URGCP: variants seen among roughly 807,000 people sequenced by gnomAD.
URGCP encodes the protein up-regulator of cell proliferation.
URGCP carries 13 observed loss-of-function variants against 24.6 expected under a neutral mutation model. That is an observed-to-expected ratio of 0.53 (90% CI 0.34 to 0.84). URGCP has a LOEUF of 0.84. Ranked by LOEUF, URGCP falls within the 40% of genes least tolerant of loss-of-function variation. The probability of loss-of-function intolerance (pLI) is 0.01; values close to 1 mark genes in which losing one functional copy is unlikely to be tolerated. For synonymous variants in URGCP, 444 were observed against 487.2 expected (o/e 0.91, Z 1.17); for missense variants, 899 against 1,194.3 (o/e 0.75, Z 3.64).
intron 5 of URGCP, 44 bp from the exon 6 acceptor site, chr7:43,879,304 G>T: frequency 6.5e-7 from 1 of 1,548,628 alleles, no homozygotes; most frequent in Non-Finnish European, 8.7e-7. Context: ...CTGTGTTTCT[G>T]AGCTAGGGGC....
intron 1 of URGCP, among the ~76,000 whole-genome samples, chr7:43,897,484 AG>A (rs1288363251): frequency 6.6e-6 from 1 of 152,194 alleles, no homozygotes; most frequent in African/African-American, 2.4e-5. Context: ...GGCTTGAGCA[AG>A]AGAGTGATCA....
chr7:43,878,154 T>G lies in URGCP; in HGVS notation c.1309A>C (p.Asn437His). The change falls in exon 6 of 6, where the codon AAT becomes CAT. Residue 437 changes from asparagine (N) to histidine (H), a missense_variant. Coordinates refer to ENST00000453200, the MANE Select transcript of URGCP (RefSeq NM_001077663.3). This position sits in a 1 kb window ranked among gnomAD's most constrained non-coding sequence, Gnocchi z 5.6. ...CGCCTGCAGGGTGCCCGCAGCACATTCCCAACGATGGCCCGGATCCTCTTC... is the reference window on the plus strand; with the variant it reads ...CGCCTGCAGGGTGCCCGCAGCACATGCCCAACGATGGCCCGGATCCTCTTC... ...FVKRIRAIVG[N>H]VLRAPCRRVS... The G allele has an allele frequency of 6.2e-7, 1 of 1,614,208 alleles. No individual in the cohort carries two copies.
chr7:43,900,588 C>CT (rs1480490545), intron 1 of URGCP, among the ~76,000 whole-genome samples: 3 of 151,844 alleles, frequency 2.0e-5, no homozygotes, highest in South Asian at 2.1e-4. Flanking sequence ...GTCTCTGTCT[C>CT]TTTTTTTTAA....
chr7:43,919,659 C>T, intron 1 of URGCP: 1 of 1,372,674 alleles, frequency 7.3e-7, no homozygotes, highest in Non-Finnish European at 1.0e-6. Flanking sequence ...CATCACCATC[C>T]TCAACACCAT....
intron 1 of URGCP, among the ~76,000 whole-genome samples, chr7:43,898,790 T>TAAA (rs71011960): frequency 0.014 from 1,012 of 72,802 alleles, 10 homozygotes; most frequent in African/African-American, 0.032. Flanking sequence ...AATAAATAAA[T>TAAA]TTATTTTAAT....
At position 43,919,056 on chromosome 7, in the gene URGCP, A is replaced by G. The variant is rs1461909675; in HGVS notation, c.-116+7076T>C. The stretch of plus-strand genomic sequence containing the variant: ...GAAGATCCATGAGGACATTTTTAAC[A>G]TCACAGACCAGGAGGCAGATGGTAG... On this transcript the variant is annotated intron_variant, in intron 1 of 5. Transcript: ENST00000426198. 8.8e-6 allele frequency: 9 copies of G among 1,019,990 alleles called. No homozygotes were observed. In the South Asian group the frequency reaches 8.8e-5, roughly 10 times the overall value. The allele number at this position is 1,019,990 out of a possible 1,614,324, so 63.2% of individuals were successfully genotyped here.
intron 1 of URGCP, among the ~76,000 whole-genome samples, chr7:43,898,114 C>T (rs1323240780): frequency 6.6e-6 from 1 of 152,178 alleles, no homozygotes; most frequent in East Asian, 1.9e-4. Flanking sequence ...TCGGCAACTT[C>T]CCTAAAGATA....
At chr7:43,924,341 T>C (rs1020644103) in intron 1 of URGCP, among the ~76,000 whole-genome samples, 1 of 152,254 alleles carries the variant, frequency 6.6e-6, no homozygotes, top group Admixed American at 6.5e-5. Flanking sequence ...TCCTGAATTA[T>C]ACAAATGATG....
At chr7:43,920,043 G>A (rs955653542) in intron 1 of URGCP, 5 of 1,305,010 alleles carry the variant, frequency 3.8e-6, no homozygotes, top group Non-Finnish European at 4.4e-6. Context: ...ATCTCCTGGG[G>A]CACCCAGGAG....
At chr7:43,882,418 C>T (rs1379429117) in intron 3 of URGCP, among the ~76,000 whole-genome samples, 5 of 152,168 alleles carry the variant, frequency 3.3e-5, no homozygotes, top group African/African-American at 7.2e-5. Context: ...CCACTGCACT[C>T]CAGCCTGGGC....
intron 1 of URGCP, among the ~76,000 whole-genome samples, chr7:43,896,454 CA>C (rs34790770): frequency 0.031 from 2,673 of 85,094 alleles, 40 homozygotes; most frequent in African/African-American, 0.081. Flanking sequence ...GACTCTGTCT[CA>C]AAAAAAAAAA....
intron 3 of URGCP, among the ~76,000 whole-genome samples, chr7:43,882,270 C>T (rs2095855094): frequency 6.6e-6 from 1 of 152,176 alleles, no homozygotes; most frequent in Non-Finnish European, 1.5e-5. Flanking sequence ...TGGCGAAAAA[C>T]CATCTCTACT....
At chr7:43,924,639 T>C (rs1006968367) in intron 1 of URGCP, among the ~76,000 whole-genome samples, 1 of 152,184 alleles carries the variant, frequency 6.6e-6, no homozygotes, top group Non-Finnish European at 1.5e-5. Context: ...CTTGGGCTGT[T>C]CAATGGGTGA....
Position 43,878,702 on chromosome 7 carries a change from C to T in URGCP, c.761G>A (p.Ser254Asn), listed in dbSNP as rs1562572125. The T allele has an allele frequency of 6.2e-7, 1 of 1,614,074 alleles. No individual in the cohort carries two copies. The change falls in exon 6 of 6, where the codon AGC becomes AAC. Residue 254 changes from serine to asparagine, a missense_variant. Physicochemically the swap from Ser to Asn is conservative, Grantham distance 46 (BLOSUM62 1). Coordinates refer to ENST00000453200, the MANE Select transcript of URGCP (RefSeq NM_001077663.3). The surrounding 1 kb of genome is among the most constrained non-coding windows in gnomAD (Gnocchi z 5.6). Reference sequence around the variant, plus strand: ...GGCGGGCGCCCTGGACAAGACCACGCTGTCTTCCCGGAAGCTCCCCATGCC... The same window carrying T: ...GGCGGGCGCCCTGGACAAGACCACGTTGTCTTCCCGGAAGCTCCCCATGCC... ...PRGMGSFRED[S>N]VVLSRAPAFA...
In URGCP at chr7:43,876,713, T is replaced by C. The variant is rs1464022195; in HGVS notation, c.2750A>G (p.Gln917Arg). 6.2e-7 allele frequency: 1 copy of C among 1,614,250 alleles called. No individual in the cohort carries two copies. Residue 917 changes from glutamine (Q) to arginine (R), a missense_variant, in exon 6 of 6, where the codon CAA becomes CGA. By Grantham distance (43) the Gln-to-Arg change is conservative. Coordinates refer to ENST00000453200, the MANE Select transcript of URGCP (RefSeq NM_001077663.3). ...AATGAGCTGCTGGATGTTTTTGTTTTGGTTCGACAAGCCGTTCCTGATGTT... is the reference window on the plus strand; with the variant it reads ...AATGAGCTGCTGGATGTTTTTGTTTCGGTTCGACAAGCCGTTCCTGATGTT... ...LENIRNGLSNQNKNIQQLIEL... is the reference protein window; with the variant it reads ...LENIRNGLSNRNKNIQQLIEL...
At chr7:43,891,445 A>G (rs1371256063) in intron 1 of URGCP, among the ~76,000 whole-genome samples, 1 of 150,074 alleles carries the variant, frequency 6.7e-6, no homozygotes, top group Non-Finnish European at 1.5e-5. Flanking sequence ...CATAAGCTGT[A>G]AGTCTGCCTT....
chr7:43,912,507 G>T (rs1241666588), intron 1 of URGCP, among the ~76,000 whole-genome samples: 2 of 152,094 alleles, frequency 1.3e-5, no homozygotes, highest in Non-Finnish European at 2.9e-5. Flanking sequence ...ATCAGGAAGT[G>T]TAAGTCCTCC....
intron 1 of URGCP, among the ~76,000 whole-genome samples, chr7:43,902,354 T>G (rs2095892716): frequency 6.6e-6 from 1 of 152,128 alleles, no homozygotes. Context: ...TCCACTACCA[T>G]GAGTCCCACC....
chr7:43,892,276 T>G (rs910836211), intron 1 of URGCP, among the ~76,000 whole-genome samples: 90 of 141,622 alleles, frequency 6.4e-4, no homozygotes, highest in African/African-American at 2.3e-3. Flanking sequence ...TAGGCTGGAG[T>G]GCAGTGGTGC....
Sources: allele counts gnomAD v4.1 joint callset (sites outside exome capture counted in the v4.1 genomes callset), GRCh38; gene constraint gnomAD v4.1.1; non-coding constraint Gnocchi (gnomAD v3.1); transcripts MANE v1.5; gene names NCBI Gene and HGNC (gene_info 2026-07-23, HGNC 2026-07-21).